The following OR4N2 variants were observed in gnomAD, a reference collection of about 807,000 sequenced individuals.
The protein encoded by OR4N2 is olfactory receptor 4N2.
For synonymous variants in OR4N2, 141 were observed against 140.4 expected, an observed-to-expected ratio of 1.00 and a Z score of -0.03; for missense variants, 307 against 377.6, an observed-to-expected ratio of 0.81 and a Z score of 1.55.
intron 1 of OR4N2, among the ~76,000 whole-genome samples, chr14:19,824,161 A>G (rs1179075974): frequency 4.6e-5 from 7 of 152,182 alleles, no homozygotes; most frequent in African/African-American, 1.7e-4. Flanking sequence ...AAAATAGAAC[A>G]CTTTACTCTG....
rs1879785966 is a variant in OR4N2, at chr14:19,828,465, C to T, written c.*93C>T. The T allele has an allele frequency of 1.7e-5, 21 of 1,224,042 alleles. No homozygotes were observed. In the South Asian group the frequency reaches 3.1e-4, roughly 18 times the overall value. The allele number at this position is 1,224,042 out of a possible 1,614,324, so 75.8% of individuals were successfully genotyped here. On this transcript the variant is annotated 3_prime_UTR_variant, in exon 2 of 2. Transcript: ENST00000557677. ...TTCCAAGTACTGCAATCACTGAGTA[C>T]CTCCCATTTGTCAGGACTATTCTGG...
intron 1 of OR4N2, among the ~76,000 whole-genome samples, chr14:19,826,491 A>G (rs1411609509): frequency 2.0e-5 from 3 of 152,396 alleles, no homozygotes; most frequent in East Asian, 3.9e-4. Context: ...CTTAAGTAAT[A>G]TAACTACAGG....
At chr14:19,823,933 C>G (rs1879628688) in intron 1 of OR4N2, among the ~76,000 whole-genome samples, 1 of 152,244 alleles carries the variant, frequency 6.6e-6, no homozygotes, top group Non-Finnish European at 1.5e-5. Flanking sequence ...CACTCAGACT[C>G]CAGGCATGCA....
chr14:19,804,904 T>C (rs1308962726), intron 1 of OR4N2, among the ~76,000 whole-genome samples: 1 of 152,218 alleles, frequency 6.6e-6, no homozygotes, highest in African/African-American at 2.4e-5. Context: ...TTCTTAGGAT[T>C]GTTAGTTCTT....
At chr14:19,804,660 G>T (rs556087730) in intron 1 of OR4N2, among the ~76,000 whole-genome samples, 62 of 152,336 alleles carry the variant, frequency 4.1e-4, no homozygotes, top group African/African-American at 1.4e-3. Context: ...CAGATGAGAA[G>T]AATGTATATT....
intron 1 of OR4N2, among the ~76,000 whole-genome samples, chr14:19,825,182 G>T (rs1349249767): frequency 6.6e-6 from 1 of 152,222 alleles, no homozygotes; most frequent in Non-Finnish European, 1.5e-5. Flanking sequence ...TGTGGTATTT[G>T]CATATGTATA....
chr14:19,811,032 G>A (rs143769743), intron 1 of OR4N2, among the ~76,000 whole-genome samples: 2,163 of 151,996 alleles, frequency 0.014, 13 homozygotes, highest in Non-Finnish European at 0.021. Flanking sequence ...AGGTTCATAT[G>A]GCTCAACCAG....
At chr14:19,808,159 C>G (rs566715415) in intron 1 of OR4N2, among the ~76,000 whole-genome samples, 67 of 152,240 alleles carry the variant, frequency 4.4e-4, no homozygotes, top group Non-Finnish European at 7.8e-4. Context: ...AAGTATTCCC[C>G]TTAAGAACTG....
chr14:19,821,078 T>C (rs7154803), intron 1 of OR4N2, among the ~76,000 whole-genome samples: 42,197 of 149,294 alleles, frequency 0.28, 2,944 homozygotes, highest in African/African-American at 0.32. Flanking sequence ...TGAGGGAATC[T>C]CCTGGTCTGC....
At chr14:19,810,340 A>T (rs1879266181) in intron 1 of OR4N2, among the ~76,000 whole-genome samples, 1 of 152,226 alleles carries the variant, frequency 6.6e-6, no homozygotes, top group African/African-American at 2.4e-5. Context: ...TCAAAAAATA[A>T]CATGCTAGTG....
Position 19,827,656 on chromosome 14 carries a change from G to T in OR4N2, c.208G>T (p.Asp70Tyr), listed in dbSNP as rs777155051. Residue 70 changes from aspartate (D) to tyrosine (Y), a missense_variant, in exon 2 of 2, where the codon GAT becomes TAT. Coordinates refer to ENST00000557677, the MANE Select transcript of OR4N2 (RefSeq NM_001004723.3). ...CTTTCTGGGCAACTTGGCCTTCCTG[G>T]ATGCATCCTACTCCTTCATTGTGGC... ...YFFLGNLAFL[D>Y]ASYSFIVAPR... 2 of 1,614,180 alleles carry T rather than the reference G, an allele frequency of 1.2e-6. No homozygotes were observed. Among genetic ancestry groups the T allele is most frequent in the Non-Finnish European group, 1.7e-6 (2 of 1,180,000 alleles).
intron 1 of OR4N2, among the ~76,000 whole-genome samples, chr14:19,818,030 G>C (rs1879471045): frequency 6.6e-6 from 1 of 152,236 alleles, no homozygotes; most frequent in African/African-American, 2.4e-5. Flanking sequence ...GTTCTAATTT[G>C]ATTGCACTGT....
chr14:19,823,422 A>G (rs1361198661), intron 1 of OR4N2, among the ~76,000 whole-genome samples: 1 of 152,258 alleles, frequency 6.6e-6, no homozygotes. Context: ...GTAAATGGTT[A>G]TTACTGAAGA....
intron 1 of OR4N2, among the ~76,000 whole-genome samples, chr14:19,810,253 TA>T (rs1318350084): frequency 6.6e-6 from 1 of 152,250 alleles, no homozygotes; most frequent in East Asian, 1.9e-4. Flanking sequence ...TCGACATCGC[TA>T]ATCATTAGAT....
rs1879796518 is a variant in OR4N2, at chr14:19,828,859, T to C, written c.*487T>C. 6.2e-6 allele frequency: 1 copy of C among 160,496 alleles called. No homozygotes were observed. The highest frequency in any genetic ancestry group is 2.4e-5 in the African/African-American group (1 of 41,482). 9.9% of individuals were successfully genotyped at this position (160,496 alleles called of 1,614,324 possible). Reference sequence around the variant, plus strand: ...TATTTGAAGAATACAATAAAGTCCATGTTACCCGGAATATAGTAATTTAAT... The same window carrying C: ...TATTTGAAGAATACAATAAAGTCCACGTTACCCGGAATATAGTAATTTAAT... On this transcript the variant is annotated 3_prime_UTR_variant, in exon 2 of 2. Transcript: ENST00000557677.
chr14:19,816,632 A>G (rs1341904663), intron 1 of OR4N2, among the ~76,000 whole-genome samples: 1 of 152,252 alleles, frequency 6.6e-6, no homozygotes, highest in East Asian at 1.9e-4. Flanking sequence ...CAATCATGTC[A>G]TCTGCAAACT....
intron 1 of OR4N2, among the ~76,000 whole-genome samples, chr14:19,809,469 T>C (rs529822776): frequency 3.2e-4 from 48 of 152,212 alleles, no homozygotes; most frequent in African/African-American, 1.1e-3. Context: ...AGGTCTAATA[T>C]CCAGAAACTA....
intron 1 of OR4N2, among the ~76,000 whole-genome samples, chr14:19,814,826 C>T (rs1370487249): frequency 2.0e-5 from 3 of 152,202 alleles, no homozygotes; most frequent in Non-Finnish European, 4.4e-5. Flanking sequence ...CCCCTAGCCC[C>T]CCACCCTGTG....
intron 1 of OR4N2, among the ~76,000 whole-genome samples, chr14:19,813,280 A>G (rs1879346319): frequency 6.6e-6 from 1 of 152,164 alleles, no homozygotes; most frequent in Non-Finnish European, 1.5e-5. Context: ...TCTCTTTATC[A>G]TGGTTTTCTT....
Sources: gnomAD v4.1 joint callset for allele counts (sites outside exome capture counted in the v4.1 genomes callset) on GRCh38, gnomAD v4.1.1 for gene constraint, MANE v1.5 for transcripts, NCBI Gene and HGNC (gene_info 2026-07-23, HGNC 2026-07-21) for gene names.